Variants in PLCB4 observed in about 807,000 individuals in gnomAD.
The protein encoded by PLCB4 is phospholipase C beta 4.
A neutral mutation model predicts 178.8 loss-of-function variants in PLCB4; 77 were observed. The ratio of observed to expected loss-of-function variants is 0.43; its 90% CI spans 0.36 to 0.52. The LOEUF (loss-of-function observed/expected upper bound fraction) is 0.52. PLCB4 is among the 20% of genes least tolerant of loss of function. PLCB4 has a pLI of 0.00. For synonymous variants in PLCB4, 496 were observed against 490.8 expected (o/e 1.01, Z -0.14); for missense variants, 1,024 against 1,453.4 (o/e 0.70, Z 4.80).
chr20:9,210,416 A>G (rs1260533722), intron 2 of PLCB4, among the ~76,000 whole-genome samples: 1 of 152,172 alleles, frequency 6.6e-6, no homozygotes, highest in African/African-American at 2.4e-5. Context: ...CCATGCTTAT[A>G]CATGTTGCTG....
chr20:9,120,622 C>T (rs2091929568), intron 2 of PLCB4, among the ~76,000 whole-genome samples: 1 of 152,120 alleles, frequency 6.6e-6, no homozygotes, highest in Admixed American at 6.5e-5. Flanking sequence ...GTGTCATTTG[C>T]TTCCTAATGG....
At chr20:9,297,039 C>A (rs2094644924) in intron 3 of PLCB4, among the ~76,000 whole-genome samples, 1 of 151,890 alleles carries the variant, frequency 6.6e-6, no homozygotes, top group Admixed American at 6.6e-5. Context: ...ATGACTTTTA[C>A]TCTGGAGCAT....
At chr20:9,438,293 GA>G (rs1389624363) in intron 30 of PLCB4, among the ~76,000 whole-genome samples, 1 of 151,954 alleles carries the variant, frequency 6.6e-6, no homozygotes, top group Admixed American at 6.6e-5. Flanking sequence ...GTGAGCCCGG[GA>G]GGCGGAGCTT....
chr20:9,402,283 C>G (rs1021013631), intron 20 of PLCB4, among the ~76,000 whole-genome samples: 2 of 152,144 alleles, frequency 1.3e-5, no homozygotes, highest in Non-Finnish European at 2.9e-5. Flanking sequence ...ATAAGGAAAC[C>G]AGAACGCAAA....
chr20:9,155,563 TTC>T (rs1166001869), intron 2 of PLCB4, among the ~76,000 whole-genome samples: 1 of 152,164 alleles, frequency 6.6e-6, no homozygotes, highest in Admixed American at 6.5e-5. Context: ...TACCTTTTCT[TTC>T]TCTGTTTCCA....
intron 2 of PLCB4, among the ~76,000 whole-genome samples, chr20:9,107,769 A>T (rs2091422934): frequency 6.6e-6 from 1 of 152,072 alleles, no homozygotes; most frequent in South Asian, 2.1e-4. Context: ...TACTTTTGAG[A>T]AGACTCACGT....
intron 2 of PLCB4, 111 bp downstream of exon 2, chr20:9,096,453 T>A (rs1480296686): frequency 1.3e-5 from 2 of 152,230 alleles, no homozygotes; most frequent in Non-Finnish European, 2.9e-5. Flanking sequence ...CACGTGCCAT[T>A]GTGAATTGAA....
intron 3 of PLCB4, among the ~76,000 whole-genome samples, chr20:9,266,431 T>A (rs2094349941): frequency 6.6e-6 from 1 of 152,236 alleles, no homozygotes; most frequent in Non-Finnish European, 1.5e-5. Flanking sequence ...TAAACATTAC[T>A]GTGAGGTGTC....
chr20:9,271,590 C>A (rs2094402946), intron 3 of PLCB4, among the ~76,000 whole-genome samples: 2 of 152,106 alleles, frequency 1.3e-5, no homozygotes, highest in Non-Finnish European at 2.9e-5. Context: ...ATTAAGATGA[C>A]AACTGCTTGT....
intron 3 of PLCB4, among the ~76,000 whole-genome samples, chr20:9,285,832 G>C (rs936853154): frequency 5.9e-5 from 9 of 152,010 alleles, no homozygotes; most frequent in African/African-American, 2.2e-4. Context: ...GTCAAGGCCA[G>C]CATTCGCTTG....
At chr20:9,349,793 A>C (rs2034160080) in intron 7 of PLCB4, among the ~76,000 whole-genome samples, 1 of 152,232 alleles carries the variant, frequency 6.6e-6, no homozygotes, top group Admixed American at 6.5e-5. Flanking sequence ...TGGGAGAGAA[A>C]AATGTCACTG....
rs1468329741 is a variant in PLCB4, at chr20:9,411,051, T to C, written c.2014T>C (p.Leu672=). The C allele has an allele frequency of 5.0e-6, 8 of 1,611,572 alleles. No homozygotes were observed. Among genetic ancestry groups the C allele is most frequent in the South Asian group, 1.1e-5 (1 of 91,012 alleles). The change falls in exon 25 of 40, where the codon TTG becomes CTG. Residue 672 remains leucine, a synonymous_variant. Transcript: ENST00000378473. ...TCTCTTGACAGATTTAGCGATGCAA[T>C]TGAATCAGGGAAAATTTGAGTATAA... ...NYQTPDLAMQ[L]NQGKFEYNGS... is the part of the protein sequence containing the mutation.
At chr20:9,155,547 T>C (rs1053896785) in intron 2 of PLCB4, among the ~76,000 whole-genome samples, 3 of 152,172 alleles carry the variant, frequency 2.0e-5, no homozygotes, top group Non-Finnish European at 2.9e-5. Flanking sequence ...TGCTTGATTC[T>C]TTCTGTACCT....
At chr20:9,393,725 T>C (rs1375375498) in intron 18 of PLCB4, 47 bp downstream of exon 18, 2 of 1,202,316 alleles carry the variant, frequency 1.7e-6, no homozygotes, top group Admixed American at 1.7e-5. Flanking sequence ...ATAACATGTG[T>C]GGACATTTCA....
At chr20:9,237,265 C>A (rs111884344) in intron 3 of PLCB4, among the ~76,000 whole-genome samples, 1 of 152,064 alleles carries the variant, frequency 6.6e-6, no homozygotes. Flanking sequence ...TATGTTTAAA[C>A]GACTATATGC....
chr20:9,088,467 A>G (rs1323161459), intron 1 of PLCB4, among the ~76,000 whole-genome samples: 4 of 152,210 alleles, frequency 2.6e-5, no homozygotes, highest in South Asian at 2.1e-4. Context: ...AGATGCACAG[A>G]TAAGTGTTAA....
intron 7 of PLCB4, among the ~76,000 whole-genome samples, chr20:9,344,102 C>G (rs2033541908): frequency 6.6e-6 from 1 of 152,152 alleles, no homozygotes; most frequent in South Asian, 2.1e-4. Flanking sequence ...CTGCTCAGAA[C>G]CCTCCAAGGC....
chr20:9,315,601 C>T (rs1038331627), intron 4 of PLCB4, among the ~76,000 whole-genome samples: 2 of 151,986 alleles, frequency 1.3e-5, no homozygotes, highest in Admixed American at 1.3e-4. Context: ...AGGCCCTATT[C>T]AGGAGGTGGC....
At chr20:9,290,191 AACT>A (rs1383281938) in intron 3 of PLCB4, among the ~76,000 whole-genome samples, 5 of 151,850 alleles carry the variant, frequency 3.3e-5, no homozygotes, top group African/African-American at 1.2e-4. Flanking sequence ...AAAAAAAAAA[AACT>A]AATTGATTGC....
Sources: allele counts gnomAD v4.1 joint callset (sites outside exome capture counted in the v4.1 genomes callset), GRCh38; gene constraint gnomAD v4.1.1; transcripts MANE v1.5; gene names NCBI Gene and HGNC (gene_info 2026-07-23, HGNC 2026-07-21).